JPH3: variants seen among roughly 807,000 people sequenced by gnomAD.
JPH3 encodes junctophilin-3.
JPH3 carries 11 observed loss-of-function variants against 59.6 expected under a neutral mutation model. The ratio of observed to expected loss-of-function variants is 0.18; its 90% confidence interval spans 0.12 to 0.31. The LOEUF (loss-of-function observed/expected upper bound fraction) is 0.31, where lower values mean the gene tolerates loss of function less well. Ranked by LOEUF, JPH3 falls within the 10% of genes least tolerant of loss-of-function variation. The pLI, the probability that JPH3 is intolerant of heterozygous loss-of-function variation, is 1.00. For synonymous variants in JPH3, 673 were observed against 483.6 expected, an observed-to-expected ratio of 1.39 and a Z score of -5.14; for missense variants, 1,202 against 1,105.7, an observed-to-expected ratio of 1.09 and a Z score of -1.24.
At chr16:87,620,479 A>AGAGGGAGAGAAGGAGAGG (rs1263775669) in intron 1 of JPH3, among the ~76,000 whole-genome samples, 30 of 103,706 alleles carry the variant, frequency 2.9e-4, no homozygotes, top group Admixed American at 7.0e-4. Context: ...AGAAGGAGAG[A>AGAGGGAGAGAAGGAGAGG]AGAGAGGGAG....
chr16:87,630,568 T>C (rs1215175534), intron 1 of JPH3, among the ~76,000 whole-genome samples: 1 of 152,182 alleles, frequency 6.6e-6, no homozygotes, highest in African/African-American at 2.4e-5. Context: ...GAGGTTAATA[T>C]CACTATTGTG....
chr16:87,673,243 C>T (rs2033063019), intron 2 of JPH3, among the ~76,000 whole-genome samples: 2 of 151,864 alleles, frequency 1.3e-5, no homozygotes, highest in African/African-American at 4.8e-5. Flanking sequence ...AAATCAACCG[C>T]ACTCTTAATA....
At chr16:87,620,716 G>A (rs2031155675) in intron 1 of JPH3, among the ~76,000 whole-genome samples, 1 of 152,220 alleles carries the variant, frequency 6.6e-6, no homozygotes, top group African/African-American at 2.4e-5. Flanking sequence ...TCCTCCTGCT[G>A]CCCGGAGGAG....
intron 1 of JPH3, among the ~76,000 whole-genome samples, chr16:87,613,411 C>T (rs2030811697): frequency 6.6e-6 from 1 of 150,852 alleles, no homozygotes; most frequent in East Asian, 2.0e-4. Flanking sequence ...GCCTCTGCTT[C>T]CCGAGTTCAA....
chr16:87,676,138 T>C (rs186614622), intron 2 of JPH3, among the ~76,000 whole-genome samples: 1 of 152,350 alleles, frequency 6.6e-6, no homozygotes, highest in Non-Finnish European at 1.5e-5. Context: ...AGGAGTGTAA[T>C]TGCTGTCTTC....
At chr16:87,615,663 A>G (rs1308354525) in intron 1 of JPH3, among the ~76,000 whole-genome samples, 3 of 152,086 alleles carry the variant, frequency 2.0e-5, no homozygotes, top group African/African-American at 7.2e-5. Context: ...GGGTCGCCTG[A>G]CCCGGCCTCC....
In JPH3 at chr16:87,676,899, C is replaced by T. The variant is rs539082757; in HGVS notation, c.1161-7243C>T. ...AAAAATACAAAAATTAGGCCAGGCG[C>T]GGTGGCGCACGCCTGTAATCCCAGC... On this transcript the variant is annotated intron_variant, in intron 2 of 4. Transcript: ENST00000284262. 1.3e-4 allele frequency among the ~76,000 whole-genome samples: 20 copies of T among 151,460 alleles called. 1 individual carries two copies. Among genetic ancestry groups the T allele is most frequent in the African/African-American group, 3.9e-4 (16 of 41,040 alleles).
intron 1 of JPH3, among the ~76,000 whole-genome samples, chr16:87,636,745 C>G (rs2031762705): frequency 6.6e-6 from 1 of 152,238 alleles, no homozygotes. Flanking sequence ...AAACACGGGG[C>G]AGGAAAGACT....
At chr16:87,679,502 A>G (rs529162459) in intron 2 of JPH3, among the ~76,000 whole-genome samples, 65 of 152,312 alleles carry the variant, frequency 4.3e-4, no homozygotes, top group Admixed American at 3.6e-3. Context: ...AAATAATTGC[A>G]GGGAGAGACT....
chr16:87,649,353 G>A (rs1023812633), intron 2 of JPH3, among the ~76,000 whole-genome samples: 2 of 152,218 alleles, frequency 1.3e-5, no homozygotes, highest in African/African-American at 4.8e-5. Flanking sequence ...CTCATCTCCT[G>A]CCAGGAGGGC....
At position 87,690,421 on chromosome 16, in the gene JPH3, G is replaced by A. The variant is rs781131473; in HGVS notation, c.2061G>A (p.Glu687=). The change falls in exon 4 of 5, where the codon GAG becomes GAA. Residue 687 remains glutamate, a synonymous_variant. Transcript: ENST00000284262. ...CGAGCCTGCGGCTGGGCGGGGCCGA[G>A]CCCCGGTTGCTGCGTTGGGACTTGA... is the stretch of plus-strand genomic sequence containing the variant. ...KLASLRLGGA[E]PRLLRWDLTF... 1 of 1,499,484 alleles carries A rather than the reference G, an allele frequency of 6.7e-7. No homozygotes were observed. Among genetic ancestry groups the A allele is most frequent in the Non-Finnish European group, 8.9e-7 (1 of 1,127,054 alleles). 92.9% of individuals were successfully genotyped at this position (1,499,484 alleles called of 1,614,324 possible).
intron 1 of JPH3, among the ~76,000 whole-genome samples, chr16:87,641,986 G>A (rs1472300097): frequency 6.6e-6 from 1 of 152,228 alleles, no homozygotes; most frequent in Non-Finnish European, 1.5e-5. Context: ...CTGTGGAGGA[G>A]GGGTGGGGCT....
At chr16:87,678,595 C>G (rs184110994) in intron 2 of JPH3, among the ~76,000 whole-genome samples, 107 of 152,218 alleles carry the variant, frequency 7.0e-4, no homozygotes, top group African/African-American at 2.3e-3. Context: ...CTCACATACT[C>G]ACACTCTCTG....
At chr16:87,684,710 C>G (rs940886404) in intron 3 of JPH3, among the ~76,000 whole-genome samples, 9 of 152,228 alleles carry the variant, frequency 5.9e-5, no homozygotes, top group Non-Finnish European at 1.2e-4. Context: ...AACTAACTTA[C>G]CATTAAACAC....
At chr16:87,640,327 CAAAA>C (rs77410169) in intron 1 of JPH3, among the ~76,000 whole-genome samples, 2 of 145,552 alleles carry the variant, frequency 1.4e-5, no homozygotes, top group African/African-American at 2.5e-5. Flanking sequence ...GACTCCATCT[CAAAA>C]AAAAAAGGGT....
intron 1 of JPH3, among the ~76,000 whole-genome samples, chr16:87,632,691 G>A (rs575810330): frequency 2.0e-5 from 3 of 152,238 alleles, no homozygotes; most frequent in East Asian, 1.9e-4. Context: ...TCAGGAATTC[G>A]ACACCAGCCT....
At chr16:87,692,635 T>C (rs2033626318) in intron 4 of JPH3, among the ~76,000 whole-genome samples, 1 of 152,088 alleles carries the variant, frequency 6.6e-6, no homozygotes, top group South Asian at 2.1e-4. Context: ...CTGGCCCGTG[T>C]AGGGCCCTGG....
chr16:87,618,675 G>C (rs2031062927), intron 1 of JPH3, among the ~76,000 whole-genome samples: 1 of 152,174 alleles, frequency 6.6e-6, no homozygotes, highest in African/African-American at 2.4e-5. Context: ...CTGTCTTTTT[G>C]GTTGCAGCCA....
Position 87,629,129 on chromosome 16 carries a change from C to G in JPH3, c.383-15129C>G, listed in dbSNP as rs79699304. ...GGCCTTGGGCAAGTGACTCACTTCT[C>G]TGAGCCTCTGTGTGTCATGGGGAAG... is the stretch of plus-strand genomic sequence containing the variant. On this transcript the variant is annotated intron_variant, in intron 1 of 4. Coordinates refer to ENST00000284262, the MANE Select transcript of JPH3 (RefSeq NM_020655.4). Among the ~76,000 whole-genome samples, 50 of 152,236 alleles carry G rather than the reference C, an allele frequency of 3.3e-4. 1 individual carries two copies. The East Asian group carries it at 7.9e-3, about 24-fold the overall frequency.
Sources: allele counts gnomAD v4.1 joint callset (sites outside exome capture counted in the v4.1 genomes callset), GRCh38; gene constraint gnomAD v4.1.1; transcripts MANE v1.5; gene names NCBI Gene and HGNC (gene_info 2026-07-23, HGNC 2026-07-21).